Variants in USP25 observed in about 807,000 individuals in gnomAD.
The protein encoded by USP25 is ubiquitin carboxyl-terminal hydrolase 25.
Under a neutral mutation model 158.5 loss-of-function variants are expected in USP25, and 85 were observed. That is an observed-to-expected ratio of 0.54 (90% CI 0.45 to 0.64). The LOEUF (loss-of-function observed/expected upper bound fraction) is 0.64. USP25 is among the 30% of genes least tolerant of loss of function. The pLI, the probability that USP25 is intolerant of heterozygous loss-of-function variation, is 0.00. For missense variants in USP25, 1,242 were observed against 1,327.3 expected (o/e 0.94, Z 1.00); for synonymous variants, 464 against 460.4 (o/e 1.01, Z -0.10).
intron 21 of USP25, 62 bp from the exon 22 acceptor site, chr21:15,866,202 AAT>A (rs147076784): frequency 0.12 from 99,027 of 795,994 alleles, 83 homozygotes; most frequent in East Asian, 0.17. Context: ...TTGATTTACA[AAT>A]ATATATATAT....
chr21:15,824,495 T>C lies in USP25; in HGVS notation c.1208+329T>C, dbSNP rs187963371. Among the ~76,000 whole-genome samples the C allele has an allele frequency of 4.0e-5, 6 of 151,844 alleles. No individual in the cohort carries two copies. The East Asian group carries it at 7.7e-4, about 20-fold the overall frequency. On this transcript the variant is annotated intron_variant, in intron 11 of 25. Transcript: ENST00000400183. Reference sequence around the variant, plus strand: ...GTGGTGATGTCTGTACTTAATATTGTATCTATCTATCTTTCTGTCTTTCTT... The same window carrying C: ...GTGGTGATGTCTGTACTTAATATTGCATCTATCTATCTTTCTGTCTTTCTT...
chr21:15,750,214 G>GTGTTT (rs1268789772), intron 1 of USP25, among the ~76,000 whole-genome samples: 1 of 65,634 alleles, frequency 1.5e-5, no homozygotes, highest in Non-Finnish European at 3.0e-5. Context: ...GTGTGTGTAT[G>GTGTTT]TTTTTTTTTT....
intron 17 of USP25, among the ~76,000 whole-genome samples, chr21:15,841,785 A>T (rs893584938): frequency 1.3e-5 from 2 of 152,106 alleles, no homozygotes; most frequent in Admixed American, 6.5e-5. Context: ...TCATGTAAGG[A>T]TTTTGGGCTT....
chr21:15,777,300 TTAAA>T (rs1375751748), intron 3 of USP25, among the ~76,000 whole-genome samples: 1 of 152,148 alleles, frequency 6.6e-6, no homozygotes, highest in African/African-American at 2.4e-5. Flanking sequence ...ATAGAAGTAT[TTAAA>T]TAGAAAGTGA....
At chr21:15,867,175 C>G (rs1452138356) in intron 22 of USP25, among the ~76,000 whole-genome samples, 7 of 151,848 alleles carry the variant, frequency 4.6e-5, no homozygotes, top group African/African-American at 1.7e-4. Flanking sequence ...ATTCATACAC[C>G]TAGTATTTCT....
At chr21:15,874,268 C>T (rs555222964) in intron 23 of USP25, 135 bp from the exon 24 acceptor site, 19 of 756,570 alleles carry the variant, frequency 2.5e-5, no homozygotes, top group African/African-American at 9.0e-5. Context: ...GCATACACTG[C>T]GTCAGATGAT....
At chr21:15,759,381 G>T (rs952555160) in intron 1 of USP25, among the ~76,000 whole-genome samples, 2 of 152,238 alleles carry the variant, frequency 1.3e-5, no homozygotes, top group East Asian at 3.9e-4. Context: ...ACAGCCTCAG[G>T]ATGTCCTGAC....
At chr21:15,771,911 A>T (rs79009372) in intron 3 of USP25, among the ~76,000 whole-genome samples, 3,618 of 152,002 alleles carry the variant, frequency 0.024, 130 homozygotes, top group African/African-American at 0.082. Context: ...TATTTTTTTT[A>T]AAAAAAGTAT....
chr21:15,774,714 G>T lies in USP25; in HGVS notation c.269-3190G>T, dbSNP rs1032016438. Among the ~76,000 whole-genome samples the T allele has an allele frequency of 1.6e-4, 24 of 152,238 alleles. No homozygotes were observed. The East Asian group carries it at 1.9e-3, about 12-fold the overall frequency. On this transcript the variant is annotated intron_variant, in intron 3 of 25. Coordinates refer to ENST00000400183, the MANE Select transcript of USP25 (RefSeq NM_001283041.3). The stretch of plus-strand genomic sequence containing the variant: ...AATTAAACATAAATCAAGGTTTGAG[G>T]TTTAATAAAATTAGGTTTAATCTTT...
intron 20 of USP25, among the ~76,000 whole-genome samples, chr21:15,863,841 C>T (rs1278846708): frequency 6.6e-6 from 1 of 151,708 alleles, no homozygotes; most frequent in Non-Finnish European, 1.5e-5. Context: ...TTGAGACCAG[C>T]CTGGCCAACA....
At chr21:15,747,008 A>G (rs2032612796) in intron 1 of USP25, among the ~76,000 whole-genome samples, 1 of 152,156 alleles carries the variant, frequency 6.6e-6, no homozygotes, top group Non-Finnish European at 1.5e-5. Flanking sequence ...ATACTTCTAG[A>G]TATACTACAG....
chr21:15,730,955 C>T (rs2030781439), intron 1 of USP25, among the ~76,000 whole-genome samples: 2 of 142,396 alleles, frequency 1.4e-5, no homozygotes, highest in South Asian at 2.2e-4. Context: ...TTAAGGTTTC[C>T]CTTTCTTCTT....
intron 20 of USP25, among the ~76,000 whole-genome samples, chr21:15,852,167 CTG>C (rs1272791453): frequency 7.9e-5 from 12 of 152,194 alleles, no homozygotes; most frequent in Middle Eastern, 6.8e-3. Flanking sequence ...CATAAGGAAA[CTG>C]TGCTCTTTGT....
intron 1 of USP25, among the ~76,000 whole-genome samples, chr21:15,745,418 G>A (rs949948004): frequency 3.0e-5 from 4 of 134,566 alleles, no homozygotes; most frequent in African/African-American, 1.1e-4. Context: ...AATATTGATT[G>A]TTTAATTTAC....
chr21:15,818,878 T>C (rs1451845831), intron 10 of USP25, 32 bp downstream of exon 10: 1 of 1,609,260 alleles, frequency 6.2e-7, no homozygotes, highest in Non-Finnish European at 8.5e-7. Context: ...TCCCCTTTCT[T>C]CCCTAGGTCT....
At chr21:15,868,984 C>A (rs1460476590) in intron 22 of USP25, among the ~76,000 whole-genome samples, 2 of 152,104 alleles carry the variant, frequency 1.3e-5, no homozygotes, top group African/African-American at 4.8e-5. Context: ...GTGGCTCATG[C>A]TTATAATCCC....
chr21:15,860,088 A>G (rs1268094646), intron 20 of USP25, among the ~76,000 whole-genome samples: 1 of 150,782 alleles, frequency 6.6e-6, no homozygotes, highest in Non-Finnish European at 1.5e-5. Flanking sequence ...TCCCGGGTTC[A>G]AGTGATTCTC....
intron 21 of USP25, 71 bp downstream of exon 21, chr21:15,864,517 T>G: frequency 7.3e-7 from 1 of 1,372,610 alleles, no homozygotes. Flanking sequence ...CCCAGGATAA[T>G]TTTTTGAGTA....
intron 3 of USP25, among the ~76,000 whole-genome samples, chr21:15,775,826 A>G (rs1019043986): frequency 2.1e-5 from 3 of 141,758 alleles, no homozygotes; most frequent in Non-Finnish European, 4.5e-5. Context: ...GTTTCATCCA[A>G]AACCCTAACT....
Sources: gnomAD v4.1 joint callset for allele counts (sites outside exome capture counted in the v4.1 genomes callset) on GRCh38, gnomAD v4.1.1 for gene constraint, MANE v1.5 for transcripts, NCBI Gene and HGNC (gene_info 2026-07-23, HGNC 2026-07-21) for gene names.